OCSTAMP: variants seen among roughly 807,000 people sequenced by gnomAD.
The protein encoded by OCSTAMP is transmembrane protein C20orf123.
Under a neutral mutation model 25.2 loss-of-function variants are expected in OCSTAMP, and 17 were observed. That is an observed-to-expected ratio of 0.68 (90% CI 0.46 to 1.01). OCSTAMP has a LOEUF of 1.01. Ranked by LOEUF, OCSTAMP falls within the 50% of genes least tolerant of loss-of-function variation. OCSTAMP has a pLI of 0.00. For missense variants in OCSTAMP, 664 were observed against 694.6 expected, an observed-to-expected ratio of 0.96 and a Z score of 0.50; for synonymous variants, 345 against 318.9, an observed-to-expected ratio of 1.08 and a Z score of -0.87.
At chr20:46,543,232 T>TTTTCTTTC (rs3086626) in intron 2 of OCSTAMP, among the ~76,000 whole-genome samples, 4 of 147,824 alleles carry the variant, frequency 2.7e-5, no homozygotes, top group Admixed American at 6.8e-5. Flanking sequence ...CTTCCTTTCT[T>TTTTCTTTC]TTTCTTTCTT....
At chr20:46,541,986 C>G in intron 2 of OCSTAMP, 59 bp from the exon 3 acceptor site, 2 of 1,383,412 alleles carry the variant, frequency 1.4e-6, no homozygotes, top group African/African-American at 1.5e-5. Flanking sequence ...CTCCCCACCT[C>G]TAGGAGAGGC....
At chr20:46,546,440 CCT>C in intron 1 of OCSTAMP, 111 bp from the exon 2 acceptor site, 3 of 928,496 alleles carry the variant, frequency 3.2e-6, no homozygotes, top group Non-Finnish European at 3.2e-6. Context: ...CAGACTCCAC[CCT>C]TGTAGTTACC....
rs3092597 is a variant in OCSTAMP at position 46,542,574 on chromosome 20, C to CAAAAAAAAAAAAAAA, written c.1048-648_1048-647insTTTTTTTTTTTTTTT. Among the ~76,000 whole-genome samples, 165 of 100,328 alleles carry CAAAAAAAAAAAAAAA rather than the reference C, an allele frequency of 1.6e-3. 5 individuals are homozygous for CAAAAAAAAAAAAAAA. The East Asian group carries it at 0.037, about 23-fold the overall frequency. The allele number at this position is 100,328 out of a possible 152,430, so 65.8% of individuals were successfully genotyped here. On this transcript the variant is annotated intron_variant, in intron 2 of 2. Transcript: ENST00000279028. ...TGGGCAACACAGCAAGACTCTGTCT[C>CAAAAAAAAAAAAAAA]AAAAAAAAAAAAAAGATGGGAAGCC... is the stretch of plus-strand genomic sequence containing the variant.
chr20:46,550,032 AG>A (rs1175921962), intron 1 of OCSTAMP, among the ~76,000 whole-genome samples: 2 of 152,206 alleles, frequency 1.3e-5, no homozygotes, highest in African/African-American at 2.4e-5. Context: ...CTGCACACCC[AG>A]GTGGCCTTCC....
At position 46,545,379 on chromosome 20, in the gene OCSTAMP, T is replaced by A. The variant is rs2061847830; in HGVS notation, c.995A>T (p.Asp332Val). 2 of 1,523,672 alleles carry A rather than the reference T, an allele frequency of 1.3e-6. No individual in the cohort carries two copies. The allele number at this position is 1,523,672 out of a possible 1,614,324, so 94.4% of individuals were successfully genotyped here. The change falls in exon 2 of 3, where the codon GAC becomes GTC. Residue 332 changes from aspartate to valine, a missense_variant. Asp to Val is a radical substitution (Grantham distance 152). Transcript: ENST00000279028. ...VAFLLAQATV[D>V]WAQKLPTVPI... ...CACAGTTGGCAACTTCTGAGCCCAG[T>A]CCACAGTAGCCTGTGCCAGGAGGAA...
intron 2 of OCSTAMP, among the ~76,000 whole-genome samples, chr20:46,542,574 C>CAAAAAAA (rs3092597): frequency 0.82 from 82,011 of 100,290 alleles, 34,484 homozygotes; most frequent in Admixed American, 0.88. Flanking sequence ...GACTCTGTCT[C>CAAAAAAA]AAAAAAAAAA....
rs2061832320 is a variant in OCSTAMP at position 46,541,197 on chromosome 20, T to C, written c.*77A>G. 2 of 668,362 alleles carry C rather than the reference T, an allele frequency of 3.0e-6. No homozygotes were observed. The highest frequency in any genetic ancestry group is 5.6e-6 in the Non-Finnish European group (2 of 357,578). The allele number at this position is 668,362 out of a possible 1,614,324, so 41.4% of individuals were successfully genotyped here. Reference sequence around the variant, plus strand: ...GCAGTTGGTGCAGATGAGATGAGCCTGATCGCCAACCAGCCTGGAGGAACC... The same window carrying C: ...GCAGTTGGTGCAGATGAGATGAGCCCGATCGCCAACCAGCCTGGAGGAACC... On this transcript the variant is annotated 3_prime_UTR_variant, in exon 3 of 3. Transcript: ENST00000279028.
Position 46,545,817 on chromosome 20 carries a change from G to A in OCSTAMP, c.557C>T (p.Thr186Ile). The A allele has an allele frequency of 6.4e-7, 1 of 1,551,354 alleles. No individual in the cohort carries two copies. Among genetic ancestry groups the A allele is most frequent in the Non-Finnish European group, 8.7e-7 (1 of 1,147,004 alleles). Reference protein sequence around the residue: ...PTGQAGSRGLTFEAQDNGSAF... With the variant: ...PTGQAGSRGLIFEAQDNGSAF... ...AGAGCCATTGTCCTGGGCCTCAAAT[G>A]TCAGGCCCCGGCTGCCTGCCTGGCC... Residue 186 changes from threonine to isoleucine, a missense_variant, in exon 2 of 3, where the codon ACA becomes ATA. Transcript: ENST00000279028.
chr20:46,546,372 G>T (rs1046244586), intron 1 of OCSTAMP, 43 bp from the exon 2 acceptor site: 60 of 1,473,342 alleles, frequency 4.1e-5, no homozygotes, highest in Non-Finnish European at 5.4e-5. Context: ...CAGGAGGTGG[G>T]TGGGTGGGTG....
At position 46,545,958 on chromosome 20, in the gene OCSTAMP, A is replaced by C. The variant is rs1310200894; in HGVS notation, c.416T>G (p.Leu139Arg). The change falls in exon 2 of 3, where the codon CTG (leucine) becomes CGG (arginine). Residue 139 changes from leucine to arginine, a missense_variant. Transcript: ENST00000279028. The part of the protein sequence containing the change: ...TLAIAVVPNV[L>R]ANVGAAGQVL... ...CTGCCCGGCCGCACCCACGTTGGCC[A>C]GGACGTTGGGCACCACAGCAATGGC... The C allele has an allele frequency of 1.3e-6, 2 of 1,551,452 alleles. No homozygotes were observed. The highest frequency in any genetic ancestry group is 4.9e-5 in the East Asian group (2 of 40,916).
At position 46,545,551 on chromosome 20, in the gene OCSTAMP, G is replaced by A. The variant is rs779253768; in HGVS notation, c.823C>T (p.Leu275Phe). ...AGCCAGGTGGGTGGAGGGGCCAGGA[G>A]GTGTGTAGCCTGGGCCTGTGCCAAC... is the stretch of plus-strand genomic sequence containing the variant. ...QRLAQAQATH[L>F]LAPPPTWLLQ... The change falls in exon 2 of 3, where the codon CTC (leucine) becomes TTC (phenylalanine). Residue 275 changes from leucine (L) to phenylalanine (F), a missense_variant. Transcript: ENST00000279028. The A allele has an allele frequency of 3.4e-5, 52 of 1,551,648 alleles. No homozygotes were observed. The African/African-American group carries it at 5.3e-4, about 16-fold the overall frequency.
intron 1 of OCSTAMP, among the ~76,000 whole-genome samples, chr20:46,547,138 G>T (rs570352443): frequency 1.3e-5 from 2 of 152,242 alleles, no homozygotes; most frequent in Non-Finnish European, 2.9e-5. Flanking sequence ...GCAACTGGAA[G>T]CACCAAGGTG....
chr20:46,550,337 A>G (rs1006407319), intron 1 of OCSTAMP, among the ~76,000 whole-genome samples, 180 bp downstream of exon 1: 5 of 152,172 alleles, frequency 3.3e-5, no homozygotes, highest in Admixed American at 6.5e-5. Context: ...AGTCTTGTAG[A>G]TGTCATTATT....
At chr20:46,541,956 A>G (rs1021852944) in intron 2 of OCSTAMP, 29 bp from the exon 3 acceptor site, 25 of 1,413,332 alleles carry the variant, frequency 1.8e-5, no homozygotes, top group Non-Finnish European at 2.2e-5. Context: ...GGCAGGGTCA[A>G]CTGAGGGCCT....
intron 1 of OCSTAMP, 87 bp downstream of exon 1, chr20:46,550,430 C>A (rs2061867234): frequency 8.5e-7 from 1 of 1,181,958 alleles, no homozygotes; most frequent in Admixed American, 2.0e-5. Context: ...AATGGCAGAG[C>A]TGAAGATTTG....
chr20:46,546,052 G>C lies in OCSTAMP; in HGVS notation c.322C>G (p.Leu108Val). 1 of 1,551,600 alleles carries C rather than the reference G, an allele frequency of 6.4e-7. No individual in the cohort carries two copies. The highest frequency in any genetic ancestry group is 8.7e-7 in the Non-Finnish European group (1 of 1,147,004). Reference sequence around the variant, plus strand: ...TCCATACCCAGGGTGGGCACGCTGAGTGCAAACAGGCAGCGGACTGGGGGT... The same window carrying C: ...TCCATACCCAGGGTGGGCACGCTGACTGCAAACAGGCAGCGGACTGGGGGT... ...LVPPVRCLFA[L>V]SVPTLGMEQG... The change falls in exon 2 of 3, where the codon CTC becomes GTC. Residue 108 changes from leucine (L) to valine (V), a missense_variant. Transcript: ENST00000279028.
At chr20:46,545,237 T>A in intron 2 of OCSTAMP, 90 bp downstream of exon 2, 2 of 1,344,948 alleles carry the variant, frequency 1.5e-6, no homozygotes, top group South Asian at 1.6e-5. Flanking sequence ...TGGAGGCAAG[T>A]CAAATTTCAT....
In OCSTAMP at chr20:46,541,745, G is replaced by C. The variant is rs1375993669; in HGVS notation, c.1230C>G (p.Leu410=). ...CCAGGAGCACCGTGGAGCCCGCCAG[G>C]AGCTGCAGGGCCCCCGCGGCCAGCG... The part of the protein sequence containing the change: ...AAPLAAGALQ[L]LAGSTVLLEA... The change falls in exon 3 of 3, where the codon CTC becomes CTG. Residue 410 remains leucine, a synonymous_variant. Coordinates refer to ENST00000279028, the MANE Select transcript of OCSTAMP (RefSeq NM_080721.3). 6.5e-7 allele frequency: 1 copy of C among 1,544,564 alleles called. No individual in the cohort carries two copies. The highest frequency in any genetic ancestry group is 2.1e-4 in the Middle Eastern group (1 of 4,822).
chr20:46,549,806 C>CTGTGTGTGTGTGTGTG (rs767000638), intron 1 of OCSTAMP, among the ~76,000 whole-genome samples: 1,597 of 142,452 alleles, frequency 0.011, 63 homozygotes, highest in African/African-American at 0.037. Flanking sequence ...TTGTGGCCCA[C>CTGTGTGTGTGTGTGTG]TCTGTGTGTG....
Sources: gnomAD v4.1 joint callset for allele counts (sites outside exome capture counted in the v4.1 genomes callset) on GRCh38, gnomAD v4.1.1 for gene constraint, MANE v1.5 for transcripts, NCBI Gene and HGNC (gene_info 2026-07-23, HGNC 2026-07-21) for gene names.